Variants in TTC28 observed in about 807,000 individuals in gnomAD.
TTC28 encodes the protein tetratricopeptide repeat protein 28.
In TTC28, 61 loss-of-function variants were observed where a neutral mutation model predicts 198.0. The observed-to-expected ratio is 0.31, with a 90% CI of 0.25 to 0.38. The LOEUF is 0.38. Ranked by LOEUF, TTC28 falls within the 10% of genes least tolerant of loss-of-function variation. The pLI, the probability that TTC28 is intolerant of heterozygous loss-of-function variation, is 1.00. For synonymous variants in TTC28, 1,171 were observed against 1,297.8 expected, an observed-to-expected ratio of 0.90 and a Z score of 2.10; for missense variants, 2,678 against 3,164.0, an observed-to-expected ratio of 0.85 and a Z score of 3.69.
At chr22:28,551,657 G>A (rs894785961) in intron 2 of TTC28, among the ~76,000 whole-genome samples, 3 of 152,106 alleles carry the variant, frequency 2.0e-5, no homozygotes, top group South Asian at 2.1e-4. Flanking sequence ...TGCAGAAAAA[G>A]CATCTGATAA....
chr22:28,034,155 G>A lies in TTC28; in HGVS notation c.3933-3789C>T, dbSNP rs138853470. On this transcript the variant is annotated intron_variant, in intron 12 of 22. Coordinates refer to ENST00000397906, the MANE Select transcript of TTC28 (RefSeq NM_001145418.2). ...TACTCTGATGGCCATGATCTGAAAC[G>A]GAGAAGAAACAATAGAGACACATTG... is the stretch of plus-strand genomic sequence containing the variant. 3.2e-3 allele frequency among the ~76,000 whole-genome samples: 491 copies of A among 152,254 alleles called. 1 individual carries two copies. Among genetic ancestry groups the A allele is most frequent in the East Asian group, 8.9e-3 (46 of 5,188 alleles).
chr22:28,352,119 T>C (rs939132420), intron 2 of TTC28, among the ~76,000 whole-genome samples: 3 of 152,056 alleles, frequency 2.0e-5, no homozygotes, highest in African/African-American at 7.2e-5. Flanking sequence ...AATTAAGCAA[T>C]AATAAAGTTT....
At chr22:28,380,126 A>G (rs560024329) in intron 2 of TTC28, among the ~76,000 whole-genome samples, 2 of 144,026 alleles carry the variant, frequency 1.4e-5, no homozygotes, top group African/African-American at 4.9e-5. Flanking sequence ...ATTTCTGTAA[A>G]TCTAGTATTA....
chr22:28,621,268 C>T (rs998392966), intron 2 of TTC28, among the ~76,000 whole-genome samples: 2 of 152,110 alleles, frequency 1.3e-5, no homozygotes, highest in South Asian at 4.1e-4. Context: ...ACTGACAACA[C>T]TGAGCAACAA....
intron 1 of TTC28, among the ~76,000 whole-genome samples, chr22:28,631,910 T>A (rs976955269): frequency 6.6e-6 from 1 of 152,160 alleles, no homozygotes; most frequent in African/African-American, 2.4e-5. Flanking sequence ...AGGACAGCCA[T>A]TTTATACTTC....
intron 2 of TTC28, among the ~76,000 whole-genome samples, chr22:28,465,340 C>T (rs564339721): frequency 6.6e-6 from 1 of 152,240 alleles, no homozygotes; most frequent in Admixed American, 6.6e-5. Context: ...TATGCCTTAT[C>T]CTGGGCCGGG....
chr22:28,287,390 TAAAC>T (rs1371328776), intron 5 of TTC28, among the ~76,000 whole-genome samples: 1 of 152,160 alleles, frequency 6.6e-6, no homozygotes, highest in Non-Finnish European at 1.5e-5. Flanking sequence ...AACATTTTCT[TAAAC>T]AAGACACAAA....
intron 2 of TTC28, among the ~76,000 whole-genome samples, chr22:28,389,945 T>C (rs1391886045): frequency 6.6e-6 from 1 of 151,852 alleles, no homozygotes; most frequent in Non-Finnish European, 1.5e-5. Context: ...AGGGTGTCAA[T>C]TTTAGATCTT....
chr22:28,327,117 A>G (rs1187559426), intron 2 of TTC28, among the ~76,000 whole-genome samples: 2 of 152,172 alleles, frequency 1.3e-5, no homozygotes, highest in Admixed American at 6.5e-5. Context: ...ACTCATATGC[A>G]TATTACACCT....
chr22:28,402,303 C>T (rs1382875427), intron 2 of TTC28, among the ~76,000 whole-genome samples: 1 of 152,146 alleles, frequency 6.6e-6, no homozygotes. Context: ...AAAGTGGTAA[C>T]AGGAGACACA....
At chr22:28,578,008 G>C (rs2050177636) in intron 2 of TTC28, among the ~76,000 whole-genome samples, 1 of 151,988 alleles carries the variant, frequency 6.6e-6, no homozygotes, top group Non-Finnish European at 1.5e-5. Flanking sequence ...TATTTTATGT[G>C]TTTTCTGGTT....
chr22:28,492,737 T>C (rs1426765840), intron 2 of TTC28, among the ~76,000 whole-genome samples: 1 of 152,138 alleles, frequency 6.6e-6, no homozygotes, highest in Non-Finnish European at 1.5e-5. Context: ...AAACTAGGAT[T>C]GGTTTAAAGT....
chr22:27,979,350 G>A lies in TTC28; in HGVS notation c.*2871C>T, dbSNP rs955831095. Reference sequence around the variant, plus strand: ...CAAAAATTAGCAAGGCATGGTAGTGGGTGCCTGTAGTCCCAGCTACTTAGA... The same window carrying A: ...CAAAAATTAGCAAGGCATGGTAGTGAGTGCCTGTAGTCCCAGCTACTTAGA... On this transcript the variant is annotated 3_prime_UTR_variant, in exon 23 of 23. Coordinates refer to ENST00000397906, the MANE Select transcript of TTC28 (RefSeq NM_001145418.2). 6.6e-6 allele frequency: 1 copy of A among 151,976 alleles called. No homozygotes were observed. The highest frequency in any genetic ancestry group is 1.5e-5 in the Non-Finnish European group (1 of 68,012). The allele number at this position is 151,976 out of a possible 1,614,324, so 9.4% of individuals were successfully genotyped here.
intron 5 of TTC28, among the ~76,000 whole-genome samples, chr22:28,224,434 A>G (rs1928131658): frequency 6.6e-6 from 1 of 152,004 alleles, no homozygotes; most frequent in African/African-American, 2.4e-5. Context: ...AGGTTATATG[A>G]CCACCCTTCC....
chr22:28,118,295 A>C (rs1020194738), intron 6 of TTC28, among the ~76,000 whole-genome samples: 38 of 152,018 alleles, frequency 2.5e-4, no homozygotes, highest in Admixed American at 1.0e-3. Context: ...GCTACTCAGG[A>C]GGCTGAGGTG....
intron 2 of TTC28, among the ~76,000 whole-genome samples, chr22:28,508,845 T>C (rs537174130): frequency 6.6e-6 from 1 of 152,112 alleles, no homozygotes; most frequent in Admixed American, 6.5e-5. Context: ...AACAAAAATA[T>C]TCAGGACCTG....
At chr22:28,178,877 G>A (rs1180958353) in intron 5 of TTC28, among the ~76,000 whole-genome samples, 1 of 152,176 alleles carries the variant, frequency 6.6e-6, no homozygotes, top group East Asian at 1.9e-4. Context: ...CACCACCAGG[G>A]TTCAGATCCA....
At chr22:28,119,939 G>A (rs922705170) in intron 6 of TTC28, among the ~76,000 whole-genome samples, 3 of 152,188 alleles carry the variant, frequency 2.0e-5, no homozygotes, top group Admixed American at 1.3e-4. Context: ...TAAAAATCTC[G>A]TTTACTGACT....
intron 12 of TTC28, 108 bp downstream of exon 12, chr22:28,093,972 C>T (rs1006789315): frequency 7.4e-6 from 9 of 1,220,196 alleles, no homozygotes; most frequent in Non-Finnish European, 1.0e-5. Flanking sequence ...CTGAGCGCAA[C>T]TACATGAATT....
Sources: allele counts gnomAD v4.1 joint callset (sites outside exome capture counted in the v4.1 genomes callset), GRCh38; gene constraint gnomAD v4.1.1; transcripts MANE v1.5; gene names NCBI Gene and HGNC (gene_info 2026-07-23, HGNC 2026-07-21).